The following FAM107B variants were observed in gnomAD, a reference collection of about 807,000 sequenced individuals.
FAM107B encodes the protein protein FAM107B.
A neutral mutation model predicts 31.5 loss-of-function variants in FAM107B; 21 were observed. The observed-to-expected ratio is 0.67, with a 90% CI of 0.47 to 0.96. FAM107B has a LOEUF of 0.96. FAM107B is among the 40% of genes least tolerant of loss of function. The pLI, the probability that FAM107B is intolerant of heterozygous loss-of-function variation, is 0.00. For missense variants in FAM107B, 452 were observed against 377.1 expected, an observed-to-expected ratio of 1.20 and a Z score of -1.64; for synonymous variants, 157 against 141.5, an observed-to-expected ratio of 1.11 and a Z score of -0.78.
At chr10:14,769,829 C>T (rs937169124) in intron 1 of FAM107B, among the ~76,000 whole-genome samples, 1 of 152,240 alleles carries the variant, frequency 6.6e-6, no homozygotes, top group African/African-American at 2.4e-5. Flanking sequence ...TCTCAAACTA[C>T]CAAACTACTC....
intron 1 of FAM107B, among the ~76,000 whole-genome samples, chr10:14,761,033 A>AAG (rs1833035269): frequency 6.6e-6 from 1 of 150,870 alleles, no homozygotes; most frequent in Admixed American, 6.6e-5. Flanking sequence ...AAAAAAAAAA[A>AAG]AAAGAAAGAC....
intron 2 of FAM107B, among the ~76,000 whole-genome samples, chr10:14,594,750 G>C (rs1205189478): frequency 6.6e-6 from 1 of 152,124 alleles, no homozygotes; most frequent in East Asian, 1.9e-4. Flanking sequence ...GAACTGCATT[G>C]GTTGGTGCCT....
chr10:14,537,268 C>T lies in FAM107B; in HGVS notation c.470-6753G>A, dbSNP rs566609868. Reference sequence around the variant, plus strand: ...TTCTGAGAGATGCAGGGAAAGGAATCCATCTTGGAGCTGGTGTCCATGTCA... The same window carrying T: ...TTCTGAGAGATGCAGGGAAAGGAATTCATCTTGGAGCTGGTGTCCATGTCA... On this transcript the variant is annotated intron_variant, in intron 2 of 4. Coordinates refer to ENST00000181796, the MANE Select transcript of FAM107B (RefSeq NM_031453.4). Among the ~76,000 whole-genome samples, 3 of 152,320 alleles carry T rather than the reference C, an allele frequency of 2.0e-5. No homozygotes were observed. In the East Asian group the frequency reaches 5.8e-4, roughly 29 times the overall value.
intron 2 of FAM107B, among the ~76,000 whole-genome samples, chr10:14,624,382 T>A (rs532859381): frequency 6.6e-6 from 1 of 151,846 alleles, no homozygotes; most frequent in Non-Finnish European, 1.5e-5. Flanking sequence ...CTTGAGGGAG[T>A]CTCAGCACTT....
At chr10:14,595,339 C>T (rs2131353199) in intron 2 of FAM107B, among the ~76,000 whole-genome samples, 1 of 151,546 alleles carries the variant, frequency 6.6e-6, no homozygotes, top group East Asian at 1.9e-4. Flanking sequence ...GTACAGAGTC[C>T]AGCAAAAATG....
At chr10:14,649,635 C>A (rs1293608556) in intron 2 of FAM107B, among the ~76,000 whole-genome samples, 1 of 152,170 alleles carries the variant, frequency 6.6e-6, no homozygotes, top group African/African-American at 2.4e-5. Context: ...GACCTGGACA[C>A]CCCCCACTTC....
chr10:14,571,427 G>C (rs908173379), intron 2 of FAM107B, among the ~76,000 whole-genome samples: 4 of 152,016 alleles, frequency 2.6e-5, no homozygotes, highest in Non-Finnish European at 2.9e-5. Flanking sequence ...ATAGAGCATG[G>C]ATAAAATAAT....
chr10:14,581,200 G>A (rs74122832), intron 2 of FAM107B, among the ~76,000 whole-genome samples: 107 of 152,304 alleles, frequency 7.0e-4, no homozygotes, highest in African/African-American at 2.6e-3. Flanking sequence ...AGAGCGTTGC[G>A]CGTCAGATGT....
chr10:14,544,451 C>G (rs1257866683), intron 2 of FAM107B, among the ~76,000 whole-genome samples: 1 of 152,156 alleles, frequency 6.6e-6, no homozygotes, highest in African/African-American at 2.4e-5. Flanking sequence ...GGATATTCTT[C>G]TTGCCTACTC....
intron 2 of FAM107B, among the ~76,000 whole-genome samples, chr10:14,569,137 G>A (rs1294642105): frequency 1.3e-5 from 2 of 152,118 alleles, no homozygotes; most frequent in African/African-American, 4.8e-5. Context: ...AATCATCCTC[G>A]TTCTGATGTT....
At chr10:14,526,266 T>C (rs937677347) in intron 3 of FAM107B, among the ~76,000 whole-genome samples, 2 of 152,164 alleles carry the variant, frequency 1.3e-5, no homozygotes, top group African/African-American at 4.8e-5. Flanking sequence ...CTCCGCTTCC[T>C]GGGTTCAAGC....
rs1854452089 is a variant in FAM107B, at chr10:14,668,051, T to C, written c.412-360A>G. On this transcript the variant is annotated intron_variant, in intron 1 of 4. Transcript: ENST00000181796. The stretch of plus-strand genomic sequence containing the variant: ...GGGGTTTTTTTTGTTTTTTGTTTTT[T>C]GGGTTTTTTTTGGTGGAGTCTCACT... 1.3e-5 allele frequency among the ~76,000 whole-genome samples: 2 copies of C among 151,084 alleles called. 1 individual carries two copies. The highest frequency in any genetic ancestry group is 4.2e-4 in the South Asian group (2 of 4,810).
At chr10:14,542,253 C>T (rs528643369) in intron 2 of FAM107B, among the ~76,000 whole-genome samples, 4 of 134,786 alleles carry the variant, frequency 3.0e-5, no homozygotes, top group African/African-American at 1.1e-4. Context: ...CTGGGCAATG[C>T]AGTGAGACTC....
chr10:14,748,291 A>C (rs1006675178), intron 1 of FAM107B, among the ~76,000 whole-genome samples: 2 of 152,196 alleles, frequency 1.3e-5, no homozygotes, highest in Non-Finnish European at 2.9e-5. Context: ...GAAGCAGCAC[A>C]TGGGGGTCAA....
chr10:14,635,021 G>A (rs1197701498), intron 2 of FAM107B, among the ~76,000 whole-genome samples: 2 of 151,728 alleles, frequency 1.3e-5, no homozygotes, highest in South Asian at 2.1e-4. Flanking sequence ...CCCCGGAGGC[G>A]GAGGCTGCAG....
At chr10:14,628,170 G>A (rs1853223146) in intron 2 of FAM107B, among the ~76,000 whole-genome samples, 3 of 134,676 alleles carry the variant, frequency 2.2e-5, no homozygotes, top group Admixed American at 8.1e-5. Context: ...AGGCTGGAGT[G>A]CAGTGGCGCG....
rs185910830 is a variant in FAM107B, at chr10:14,737,930, C to A, written c.411+36323G>T. Among the ~76,000 whole-genome samples, 108 of 152,194 alleles carry A rather than the reference C, an allele frequency of 7.1e-4. 1 individual carries two copies. The highest frequency in any genetic ancestry group is 1.4e-3 in the Non-Finnish European group (95 of 68,002). ...ATACAATGTGCTGAAAATCTTGGAA[C>A]AACATGTATTCATGGATAAAAACTC... On this transcript the variant is annotated intron_variant, in intron 1 of 4. Coordinates refer to ENST00000181796, the MANE Select transcript of FAM107B (RefSeq NM_031453.4).
At chr10:14,554,722 A>G (rs1356079612) in intron 2 of FAM107B, among the ~76,000 whole-genome samples, 3 of 152,232 alleles carry the variant, frequency 2.0e-5, no homozygotes, top group Non-Finnish European at 2.9e-5. Flanking sequence ...GAACATTTCA[A>G]AACAGGGTTA....
Position 14,686,435 on chromosome 10 carries a change from G to A in FAM107B, c.412-18744C>T, listed in dbSNP as rs565885673. Among the ~76,000 whole-genome samples, 11 of 151,952 alleles carry A rather than the reference G, an allele frequency of 7.2e-5. No homozygotes were observed. The South Asian group carries it at 1.5e-3, about 20-fold the overall frequency. Reference sequence around the variant, plus strand: ...TGTGGTGGCAAGGTGAGATTTGGGCGGGGACACAGCCAAACCCTATCACCA... The same window carrying A: ...TGTGGTGGCAAGGTGAGATTTGGGCAGGGACACAGCCAAACCCTATCACCA... On this transcript the variant is annotated intron_variant, in intron 1 of 4. Transcript: ENST00000181796.
Sources: allele counts gnomAD v4.1 joint callset (sites outside exome capture counted in the v4.1 genomes callset), GRCh38; gene constraint gnomAD v4.1.1; transcripts MANE v1.5; gene names NCBI Gene and HGNC (gene_info 2026-07-23, HGNC 2026-07-21).